Variants in CHRNA7 observed in about 807,000 individuals in gnomAD.
CHRNA7 encodes the protein cholinergic receptor nicotinic alpha 7 subunit, also known as neuronal acetylcholine receptor subunit alpha-7.
CHRNA7 carries 17 observed loss-of-function variants against 48.0 expected under a neutral mutation model. The observed-to-expected ratio is 0.35, with a 90% CI of 0.24 to 0.53. The LOEUF (loss-of-function observed/expected upper bound fraction) is 0.53, where lower values mean the gene tolerates loss of function less well. CHRNA7 is among the 20% of genes least tolerant of loss of function. The pLI is 0.92. For missense variants in CHRNA7, 155 were observed against 577.7 expected (o/e 0.27, Z 7.50); for synonymous variants, 75 against 242.3 (o/e 0.31, Z 6.41).
At chr15:32,130,058 A>G (rs1331851351) in intron 4 of CHRNA7, among the ~76,000 whole-genome samples, 1 of 151,988 alleles carries the variant, frequency 6.6e-6, no homozygotes, top group Non-Finnish European at 1.5e-5. Context: ...TTGTGGGCAA[A>G]TATCACACTT....
intron 2 of CHRNA7, among the ~76,000 whole-genome samples, chr15:32,050,436 A>G (rs576869162): frequency 3.3e-5 from 5 of 152,154 alleles, no homozygotes; most frequent in Non-Finnish European, 7.3e-5. Context: ...AGTTGATCGC[A>G]TCGGCTCCTG....
chr15:32,085,113 G>A (rs1342631549), intron 2 of CHRNA7, among the ~76,000 whole-genome samples: 1 of 152,164 alleles, frequency 6.6e-6, no homozygotes, highest in African/African-American at 2.4e-5. Flanking sequence ...ACAGGTGGGA[G>A]CCACTGCACC....
chr15:32,150,792 G>C (rs1271839996), intron 4 of CHRNA7, among the ~76,000 whole-genome samples: 2 of 152,118 alleles, frequency 1.3e-5, no homozygotes, highest in African/African-American at 2.4e-5. Flanking sequence ...TCCAGAGTGA[G>C]CTTGTGCAGG....
At chr15:32,032,800 G>A (rs892962334) in intron 2 of CHRNA7, among the ~76,000 whole-genome samples, 9 of 152,164 alleles carry the variant, frequency 5.9e-5, no homozygotes, top group Non-Finnish European at 1.2e-4. Flanking sequence ...GGCTCCTGAG[G>A]TTGCAAAGGC....
chr15:32,158,292 T>TCC (rs2051790749), intron 6 of CHRNA7, 120 bp from the exon 7 acceptor site: 9 of 524,738 alleles, frequency 1.7e-5, no homozygotes, highest in African/African-American at 7.1e-5. Flanking sequence ...CCCCCCCCTT[T>TCC]TTTTTTTTTA....
intron 3 of CHRNA7, among the ~76,000 whole-genome samples, chr15:32,107,017 T>C (rs1377435068): frequency 6.6e-6 from 1 of 152,128 alleles, no homozygotes; most frequent in Non-Finnish European, 1.5e-5. Flanking sequence ...GTGTCAATCA[T>C]TATGTCTCAC....
At chr15:32,092,379 C>G (rs2050397960) in intron 2 of CHRNA7, among the ~76,000 whole-genome samples, 1 of 152,118 alleles carries the variant, frequency 6.6e-6, no homozygotes. Context: ...GAGAAGCATG[C>G]CCTTCTTATT....
At chr15:32,068,602 A>C (rs2050003320) in intron 2 of CHRNA7, among the ~76,000 whole-genome samples, 1 of 152,088 alleles carries the variant, frequency 6.6e-6, no homozygotes, top group African/African-American at 2.4e-5. Flanking sequence ...GGGCGCCTGT[A>C]ATCCCAGCTA....
intron 2 of CHRNA7, among the ~76,000 whole-genome samples, chr15:32,089,824 G>A (rs74954087): frequency 1.3e-5 from 2 of 152,136 alleles, no homozygotes; most frequent in Non-Finnish European, 1.5e-5. Context: ...TTTAGTGTGC[G>A]AATTCATGTG....
intron 2 of CHRNA7, among the ~76,000 whole-genome samples, chr15:32,068,990 C>T (rs763975661): frequency 3.3e-5 from 5 of 152,284 alleles, no homozygotes; most frequent in East Asian, 1.9e-4. Context: ...GAATGGCTTT[C>T]GTCTGCTAGC....
At chr15:32,119,824 G>C (rs538621933) in intron 4 of CHRNA7, among the ~76,000 whole-genome samples, 3 of 152,096 alleles carry the variant, frequency 2.0e-5, no homozygotes, top group Non-Finnish European at 2.9e-5. Flanking sequence ...GGGCAAGTGC[G>C]TGTGTGTCCT....
chr15:32,045,150 A>G (rs902148721), intron 2 of CHRNA7, among the ~76,000 whole-genome samples: 2 of 152,178 alleles, frequency 1.3e-5, no homozygotes, highest in African/African-American at 4.8e-5. Flanking sequence ...TATATTAATA[A>G]GACTTTTTTT....
chr15:32,043,764 C>CT (rs72009023), intron 2 of CHRNA7, among the ~76,000 whole-genome samples: 135,693 of 152,034 alleles, frequency 0.89, 61,036 homozygotes, highest in South Asian at 0.97. Flanking sequence ...GTATATTTAC[C>CT]TTTTTTGTTA....
intron 2 of CHRNA7, among the ~76,000 whole-genome samples, chr15:32,044,150 T>A (rs757922625): frequency 1.3e-5 from 2 of 152,230 alleles, no homozygotes. Flanking sequence ...ATGTTTCTGC[T>A]CTTTTGTTTT....
rs184708198 is a variant in CHRNA7 at position 32,107,622 on chromosome 15, G to C, written c.241-4168G>C. The stretch of plus-strand genomic sequence containing the variant: ...TTATTGGCTTATTCTAAAGGATGCA[G>C]CTCAGGAACCAAGTGGAAGGACGCA... On this transcript the variant is annotated intron_variant, in intron 3 of 9. Transcript: ENST00000306901. Among the ~76,000 whole-genome samples the C allele has an allele frequency of 2.7e-3, 416 of 152,294 alleles. 3 individuals are homozygous for C. The highest frequency in any genetic ancestry group is 9.8e-3 in the African/African-American group (408 of 41,568).
chr15:32,035,430 T>C (rs545850371), intron 2 of CHRNA7, among the ~76,000 whole-genome samples: 1 of 152,322 alleles, frequency 6.6e-6, no homozygotes, highest in East Asian at 1.9e-4. Context: ...CACATAATTA[T>C]ACAAGATTGA....
intron 2 of CHRNA7, among the ~76,000 whole-genome samples, chr15:32,082,433 C>G (rs540109789): frequency 6.6e-6 from 1 of 151,932 alleles, no homozygotes; most frequent in South Asian, 2.1e-4. Context: ...TTTGTGTTCA[C>G]AATCTCCACC....
intron 2 of CHRNA7, among the ~76,000 whole-genome samples, chr15:32,032,664 G>A (rs1229075299): frequency 1.3e-5 from 2 of 152,184 alleles, no homozygotes; most frequent in African/African-American, 4.8e-5. Context: ...ACTCCAGCCA[G>A]GCTGTCACAC....
intron 2 of CHRNA7, among the ~76,000 whole-genome samples, chr15:32,048,394 T>C (rs896619554): frequency 5.3e-5 from 8 of 152,096 alleles, no homozygotes; most frequent in Admixed American, 3.9e-4. Flanking sequence ...CTGGTTTAGT[T>C]TTGGGAGAGT....
Sources: allele counts gnomAD v4.1 joint callset (sites outside exome capture counted in the v4.1 genomes callset), GRCh38; gene constraint gnomAD v4.1.1; transcripts MANE v1.5; gene names NCBI Gene and HGNC (gene_info 2026-07-23, HGNC 2026-07-21).